NEGR1: variants seen among roughly 807,000 people sequenced by gnomAD.
NEGR1 encodes the protein IgLON family member 4.
NEGR1 carries 10 observed loss-of-function variants against 40.9 expected under a neutral mutation model. That is an observed-to-expected ratio of 0.24 (90% CI 0.15 to 0.42). The LOEUF (loss-of-function observed/expected upper bound fraction) is 0.42, where lower values mean the gene tolerates loss of function less well. NEGR1 is among the 10% of genes least tolerant of loss of function. NEGR1 has a pLI of 1.00. For missense variants in NEGR1, 352 were observed against 438.9 expected (o/e 0.80, Z 1.77); for synonymous variants, 185 against 166.8 (o/e 1.11, Z -0.84).
chr1:71,760,630 A>G (rs1383956361), intron 3 of NEGR1, among the ~76,000 whole-genome samples: 3 of 152,218 alleles, frequency 2.0e-5, no homozygotes, highest in African/African-American at 7.2e-5. Flanking sequence ...AACTAGAACC[A>G]TAGTTTGTAA....
At chr1:72,239,444 A>C (rs530644521) in intron 1 of NEGR1, among the ~76,000 whole-genome samples, 2 of 151,918 alleles carry the variant, frequency 1.3e-5, no homozygotes, top group East Asian at 3.9e-4. Context: ...AAATAATATA[A>C]ACAGTGTTTT....
At chr1:71,785,890 T>C (rs1656892235) in intron 2 of NEGR1, among the ~76,000 whole-genome samples, 1 of 152,188 alleles carries the variant, frequency 6.6e-6, no homozygotes, top group South Asian at 2.1e-4. Flanking sequence ...TCAATATACA[T>C]ATTCCTTGTT....
intron 1 of NEGR1, among the ~76,000 whole-genome samples, chr1:72,218,448 T>C (rs980126523): frequency 6.6e-6 from 1 of 152,098 alleles, no homozygotes; most frequent in Non-Finnish European, 1.5e-5. Flanking sequence ...ATTGTGTTTA[T>C]GGTATATGTT....
intron 6 of NEGR1, among the ~76,000 whole-genome samples, chr1:71,423,773 T>C (rs1646411930): frequency 6.6e-6 from 1 of 151,770 alleles, no homozygotes; most frequent in African/African-American, 2.4e-5. Context: ...TTTGTTAATC[T>C]CTTCATTTAA....
At chr1:71,826,042 T>C (rs1357904049) in intron 2 of NEGR1, among the ~76,000 whole-genome samples, 1 of 151,930 alleles carries the variant, frequency 6.6e-6, no homozygotes, top group Non-Finnish European at 1.5e-5. Context: ...TGATAGAAGA[T>C]ACGCCTCTAT....
chr1:71,855,505 T>C (rs1339431171), intron 2 of NEGR1, among the ~76,000 whole-genome samples: 2 of 152,056 alleles, frequency 1.3e-5, no homozygotes, highest in Non-Finnish European at 2.9e-5. Flanking sequence ...TTATAGGACA[T>C]GTATATTGGC....
chr1:71,727,744 A>C (rs1654719184), intron 3 of NEGR1, among the ~76,000 whole-genome samples: 1 of 152,196 alleles, frequency 6.6e-6, no homozygotes, highest in African/African-American at 2.4e-5. Flanking sequence ...AGGGCATTTC[A>C]GGCTAAGGGC....
chr1:71,910,788 C>T (rs955840641), intron 2 of NEGR1, among the ~76,000 whole-genome samples: 8 of 152,194 alleles, frequency 5.3e-5, no homozygotes, highest in East Asian at 3.9e-4. Flanking sequence ...GCCTCGGCTT[C>T]GCAGGCTCAG....
intron 1 of NEGR1, among the ~76,000 whole-genome samples, chr1:72,169,429 T>C (rs968772782): frequency 2.0e-5 from 3 of 152,184 alleles, no homozygotes; most frequent in East Asian, 1.9e-4. Context: ...TATTGCTCTA[T>C]AGCATTTCAA....
chr1:71,556,610 G>T (rs544192667), intron 6 of NEGR1, among the ~76,000 whole-genome samples: 1 of 150,222 alleles, frequency 6.7e-6, no homozygotes, highest in African/African-American at 2.4e-5. Flanking sequence ...TTTCAAATGG[G>T]TTTTTATCTA....
chr1:72,199,204 G>A (rs1332696201), intron 1 of NEGR1, among the ~76,000 whole-genome samples: 1 of 149,648 alleles, frequency 6.7e-6, no homozygotes, highest in Non-Finnish European at 1.5e-5. Flanking sequence ...TATGTATCTT[G>A]GGGGCTGCAT....
intron 1 of NEGR1, among the ~76,000 whole-genome samples, chr1:72,216,411 ATATATG>A (rs1653821459): frequency 4.1e-5 from 6 of 146,902 alleles, no homozygotes; most frequent in African/African-American, 1.5e-4. Context: ...ACATATATAT[ATATATG>A]TATATCTATA....
chr1:71,958,172 T>C (rs1646134142), intron 1 of NEGR1, among the ~76,000 whole-genome samples: 1 of 152,224 alleles, frequency 6.6e-6, no homozygotes, highest in Non-Finnish European at 1.5e-5. Flanking sequence ...TATAGCATTT[T>C]CATGACAAAA....
chr1:71,805,660 A>G lies in NEGR1; in HGVS notation c.410-29363T>C, dbSNP rs964960090. Among the ~76,000 whole-genome samples, 4 of 152,336 alleles carry G rather than the reference A, an allele frequency of 2.6e-5. No individual in the cohort carries two copies. In the South Asian group the frequency reaches 6.2e-4, roughly 24 times the overall value. ...CTAGATATTTCATTGCAAGCTCATT[A>G]CAGTTTGCAAACAATATTTACAATT... On this transcript the variant is annotated intron_variant, in intron 2 of 6. Coordinates refer to ENST00000357731, the MANE Select transcript of NEGR1 (RefSeq NM_173808.3).
chr1:71,778,938 T>G (rs1656606263), intron 2 of NEGR1, among the ~76,000 whole-genome samples: 1 of 152,158 alleles, frequency 6.6e-6, no homozygotes, highest in African/African-American at 2.4e-5. Flanking sequence ...GATTTGACAT[T>G]TACCTATAGG....
At chr1:71,895,504 A>T (rs1160913904) in intron 2 of NEGR1, among the ~76,000 whole-genome samples, 1 of 152,106 alleles carries the variant, frequency 6.6e-6, no homozygotes, top group Non-Finnish European at 1.5e-5. Context: ...TTCTATCTTT[A>T]TAGATTATCT....
At chr1:71,692,101 A>C (rs905752678) in intron 4 of NEGR1, among the ~76,000 whole-genome samples, 2 of 151,686 alleles carry the variant, frequency 1.3e-5, no homozygotes, top group South Asian at 2.1e-4. Context: ...AGTTTGAAAA[A>C]CAGTAGCCCA....
chr1:71,654,968 T>C (rs746477088), intron 4 of NEGR1, among the ~76,000 whole-genome samples: 10 of 152,262 alleles, frequency 6.6e-5, no homozygotes, highest in South Asian at 6.2e-4. Context: ...TGAAGTGAAA[T>C]CACCCATCAG....
intron 2 of NEGR1, among the ~76,000 whole-genome samples, chr1:71,852,954 C>T (rs1421977687): frequency 6.6e-6 from 1 of 151,962 alleles, no homozygotes; most frequent in South Asian, 2.1e-4. Flanking sequence ...CAAAATATGT[C>T]TAGAGATCAC....
Sources: gnomAD v4.1 joint callset for allele counts (sites outside exome capture counted in the v4.1 genomes callset) on GRCh38, gnomAD v4.1.1 for gene constraint, MANE v1.5 for transcripts, NCBI Gene and HGNC (gene_info 2026-07-23, HGNC 2026-07-21) for gene names.